The following PRPSAP2 variants were observed in gnomAD, a reference collection of about 807,000 sequenced individuals.
PRPSAP2 encodes the protein phosphoribosyl pyrophosphate synthetase associated protein 2.
PRPSAP2 carries 24 observed loss-of-function variants against 40.6 expected under a neutral mutation model. The ratio of observed to expected loss-of-function variants is 0.59; its 90% CI spans 0.43 to 0.83. The LOEUF (loss-of-function observed/expected upper bound fraction) is 0.83, where lower values mean the gene tolerates loss of function less well. PRPSAP2 is among the 40% of genes least tolerant of loss of function. The pLI is 0.00. For synonymous variants in PRPSAP2, 149 were observed against 164.7 expected, an observed-to-expected ratio of 0.90 and a Z score of 0.73; for missense variants, 292 against 465.6, an observed-to-expected ratio of 0.63 and a Z score of 3.43.
chr17:18,920,088 G>A (rs2041608597), intron 9 of PRPSAP2, among the ~76,000 whole-genome samples: 1 of 152,200 alleles, frequency 6.6e-6, no homozygotes, highest in East Asian at 1.9e-4. Flanking sequence ...AGAGGGGCTT[G>A]TGTCTAGGAA....
At chr17:18,902,599 C>T (rs754215534) in intron 8 of PRPSAP2, among the ~76,000 whole-genome samples, 22 of 151,960 alleles carry the variant, frequency 1.4e-4, no homozygotes, top group Non-Finnish European at 2.4e-4. Flanking sequence ...GGGCCAGGTG[C>T]GGTGTCACAC....
chr17:18,864,268 G>A (rs897765842), intron 1 of PRPSAP2, among the ~76,000 whole-genome samples: 1 of 151,800 alleles, frequency 6.6e-6, no homozygotes, highest in Non-Finnish European at 1.5e-5. Flanking sequence ...CGAGGCTGGT[G>A]ACTTTATCCT....
chr17:18,918,176 G>A (rs2041475984), intron 9 of PRPSAP2, among the ~76,000 whole-genome samples: 1 of 152,160 alleles, frequency 6.6e-6, no homozygotes, highest in Non-Finnish European at 1.5e-5. Context: ...GAAAGGGAAG[G>A]CCATCTGGGC....
At chr17:18,870,675 G>A (rs1280754671) in intron 4 of PRPSAP2, among the ~76,000 whole-genome samples, 1 of 151,934 alleles carries the variant, frequency 6.6e-6, no homozygotes, top group Non-Finnish European at 1.5e-5. Context: ...CAGGGTTGGT[G>A]GCACACAGCT....
Position 18,930,841 on chromosome 17 carries a change from C to A in PRPSAP2, c.*143C>A, listed in dbSNP as rs1232732017. On this transcript the variant is annotated 3_prime_UTR_variant, in exon 12 of 12. Transcript: ENST00000268835. ...TCTTATTGATTCCTAAGAAGATAGA[C>A]CAACTTTTTATGTCGGTTTGGGTGT... 2.9e-5 allele frequency: 20 copies of A among 687,460 alleles called. No individual in the cohort carries two copies. Among genetic ancestry groups the A allele is most frequent in the Non-Finnish European group, 2.3e-5 (11 of 476,370 alleles). 42.6% of individuals were successfully genotyped at this position (687,460 alleles called of 1,614,324 possible).
Position 18,878,587 on chromosome 17 carries a change from C to T in PRPSAP2, c.412+717C>T, listed in dbSNP as rs192503641. Among the ~76,000 whole-genome samples, 847 of 152,128 alleles carry T rather than the reference C, an allele frequency of 5.6e-3. 4 individuals are homozygous for T. The highest frequency in any genetic ancestry group is 0.01 in the Admixed American group (160 of 15,258). ...ATTTATTTATTTTGAGATGGAGTTT[C>T]GCTCCTGTTGCCCAGGCTGGAGTGC... On this transcript the variant is annotated intron_variant, in intron 6 of 11. Transcript: ENST00000268835.
At chr17:18,929,067 G>A (rs903028220) in intron 11 of PRPSAP2, 110 bp downstream of exon 11, 16 of 1,456,826 alleles carry the variant, frequency 1.1e-5, no homozygotes, top group Non-Finnish European at 1.5e-5. Context: ...GCTGAGAAAC[G>A]ATTCAAGGGC....
intron 8 of PRPSAP2, among the ~76,000 whole-genome samples, chr17:18,899,831 C>A (rs111832765): frequency 2.4e-4 from 36 of 151,806 alleles, no homozygotes; most frequent in Non-Finnish European, 3.7e-4. Flanking sequence ...CCACCACCCC[C>A]AGCCCAACTG....
At chr17:18,867,214 C>A (rs1398856167) in intron 3 of PRPSAP2, 68 bp from the exon 4 acceptor site, 2 of 1,454,460 alleles carry the variant, frequency 1.4e-6, no homozygotes, top group East Asian at 2.3e-5. Flanking sequence ...TACGAGTCTC[C>A]TTAAATAGTA....
chr17:18,909,970 A>G (rs1333643477), intron 8 of PRPSAP2, among the ~76,000 whole-genome samples: 1 of 152,214 alleles, frequency 6.6e-6, no homozygotes, highest in Non-Finnish European at 1.5e-5. Context: ...CAGCTTTGTG[A>G]CAGCCAAAAA....
upstream of PRPSAP2, among the ~76,000 whole-genome samples, chr17:18,856,928 A>G (rs1481710847): frequency 2.6e-5 from 4 of 152,240 alleles, no homozygotes; most frequent in African/African-American, 7.2e-5. Flanking sequence ...TATGTTATAC[A>G]TACAATAAAG....
At chr17:18,874,942 G>A (rs995425404) in intron 5 of PRPSAP2, among the ~76,000 whole-genome samples, 1 of 152,176 alleles carries the variant, frequency 6.6e-6, no homozygotes, top group Admixed American at 6.6e-5. Context: ...AGGTTGTGTG[G>A]ATTACCCAAG....
chr17:18,867,429 C>A, intron 4 of PRPSAP2, 95 bp downstream of exon 4: 16 of 1,412,404 alleles, frequency 1.1e-5, no homozygotes, highest in Non-Finnish European at 1.6e-5. Context: ...CGATTTGATT[C>A]AGTTGTACAT....
intron 1 of PRPSAP2, chr17:18,861,464 T>TAAAAA (rs5819659): frequency 7.2e-6 from 1 of 138,922 alleles, no homozygotes; most frequent in Non-Finnish European, 1.5e-5. Context: ...AACTCCATCT[T>TAAAAA]AAAAAAAAAA....
Position 18,911,217 on chromosome 17 carries a change from T to C in PRPSAP2, c.699T>C (p.Ser233=), listed in dbSNP as rs764318463. ...GGCATTCCCCACCCATGGTCAGAAG[T>C]GTGGCTGCCATCCACCCCAGCCTGG... ...DGRHSPPMVR[S]VAAIHPSLEI... The change falls in exon 9 of 12, where the codon AGT becomes AGC. Residue 233 remains serine, a synonymous_variant. Coordinates refer to ENST00000268835, the MANE Select transcript of PRPSAP2 (RefSeq NM_002767.4). The surrounding 1 kb of genome is among the most constrained non-coding windows in gnomAD (Gnocchi z 4.5). 4.3e-6 allele frequency: 7 copies of C among 1,612,960 alleles called. No individual in the cohort carries two copies. Among genetic ancestry groups the C allele is most frequent in the East Asian group, 2.2e-5 (1 of 44,888 alleles).
intron 10 of PRPSAP2, 29 bp from the exon 11 acceptor site, chr17:18,928,782 T>C: frequency 6.2e-7 from 1 of 1,612,098 alleles, no homozygotes. Flanking sequence ...AGTGCTCATA[T>C]ACATTCTTTT....
At chr17:18,926,736 A>G (rs1789830322) in intron 10 of PRPSAP2, among the ~76,000 whole-genome samples, 1 of 149,490 alleles carries the variant, frequency 6.7e-6, no homozygotes. Flanking sequence ...ACAGCCACAG[A>G]GGTCCTTCAG....
intron 8 of PRPSAP2, among the ~76,000 whole-genome samples, chr17:18,891,639 T>C: frequency 6.6e-6 from 1 of 152,242 alleles, no homozygotes; most frequent in East Asian, 1.9e-4. Context: ...TGGCATTTAG[T>C]GCATTCACAA....
chr17:18,869,865 T>TGTGTGTGTGA (rs745428673), intron 4 of PRPSAP2, among the ~76,000 whole-genome samples: 7 of 147,772 alleles, frequency 4.7e-5, no homozygotes, highest in East Asian at 2.0e-4. Context: ...TGTGTGTGTG[T>TGTGTGTGTGA]GAGACAGAGT....
Sources: allele counts gnomAD v4.1 joint callset (sites outside exome capture counted in the v4.1 genomes callset), GRCh38; gene constraint gnomAD v4.1.1; non-coding constraint Gnocchi (gnomAD v3.1); transcripts MANE v1.5; gene names NCBI Gene and HGNC (gene_info 2026-07-23, HGNC 2026-07-21).